ASB3: variants seen among roughly 807,000 people sequenced by gnomAD.
ASB3 encodes the protein ankyrin repeat and SOCS box protein 3.
Under a neutral mutation model 54.5 loss-of-function variants are expected in ASB3, and 41 were observed. The observed-to-expected ratio is 0.75, with a 90% confidence interval of 0.59 to 0.98. The LOEUF is 0.98. Ranked by LOEUF, ASB3 falls within the 50% of genes least tolerant of loss-of-function variation. The probability of loss-of-function intolerance (pLI) is 0.00; values close to 1 mark genes in which losing one functional copy is unlikely to be tolerated. For missense variants in ASB3, 733 were observed against 620.0 expected, an observed-to-expected ratio of 1.18 and a Z score of -1.94; for synonymous variants, 266 against 221.2, an observed-to-expected ratio of 1.20 and a Z score of -1.80.
chr2:53,747,338 G>A (rs912545101), intron 3 of ASB3, among the ~76,000 whole-genome samples: 7 of 152,148 alleles, frequency 4.6e-5, no homozygotes, highest in African/African-American at 9.7e-5. Flanking sequence ...CTGAGGTCAG[G>A]AGTTCCAGAT....
chr2:53,751,278 A>C (rs2104008264), intron 2 of ASB3, among the ~76,000 whole-genome samples: 1 of 152,320 alleles, frequency 6.6e-6, no homozygotes, highest in East Asian at 1.9e-4. Context: ...TTGCTTAAAC[A>C]GAATTTATCG....
At chr2:53,755,977 A>AC (rs112277299) in intron 2 of ASB3, among the ~76,000 whole-genome samples, 3,258 of 132,874 alleles carry the variant, frequency 0.025, 50 homozygotes, top group East Asian at 0.036. Context: ...AAATAGTAAG[A>AC]CCCCCCCCCC....
intron 5 of ASB3, among the ~76,000 whole-genome samples, chr2:53,723,543 A>C (rs1670827360): frequency 1.3e-5 from 2 of 152,162 alleles, no homozygotes; most frequent in African/African-American, 4.8e-5. Context: ...TATTCCTATC[A>C]AACTACCGAC....
intron 9 of ASB3, among the ~76,000 whole-genome samples, 199 bp from the exon 10 acceptor site, chr2:53,670,889 G>A (rs1241933069): frequency 1.3e-5 from 2 of 152,104 alleles, no homozygotes; most frequent in Non-Finnish European, 2.9e-5. Flanking sequence ...TCTCCCTTCA[G>A]TTTGTTGGCC....
At chr2:53,719,563 G>A (rs1466205497) in intron 5 of ASB3, among the ~76,000 whole-genome samples, 2 of 151,582 alleles carry the variant, frequency 1.3e-5, no homozygotes, top group Non-Finnish European at 2.9e-5. Context: ...CTTCCTTCTA[G>A]AAAGACGTCA....
intron 7 of ASB3, among the ~76,000 whole-genome samples, chr2:53,709,808 G>A (rs1044994075): frequency 2.6e-5 from 4 of 152,078 alleles, no homozygotes; most frequent in East Asian, 3.9e-4. Context: ...ATTGAATCAG[G>A]GCTTGTGTAT....
At chr2:53,774,087 T>G in intron 1 of ASB3, 3 of 1,485,996 alleles carry the variant, frequency 2.0e-6, no homozygotes, top group Non-Finnish European at 2.7e-6. Context: ...CAACCTTTCT[T>G]CACCTATTTT....
At chr2:53,774,666 A>G (rs1448537804) in intron 1 of ASB3, 1 of 617,776 alleles carries the variant, frequency 1.6e-6, no homozygotes, top group Non-Finnish European at 2.5e-6. Flanking sequence ...ACACATATTT[A>G]AAATATTGGG....
chr2:53,718,321 A>C (rs1670512080), intron 5 of ASB3, among the ~76,000 whole-genome samples: 1 of 152,212 alleles, frequency 6.6e-6, no homozygotes, highest in Non-Finnish European at 1.5e-5. Flanking sequence ...TGGACTTCTC[A>C]GCAGAAACCT....
At chr2:53,698,088 T>C (rs375022870) in intron 8 of ASB3, among the ~76,000 whole-genome samples, 1 of 152,188 alleles carries the variant, frequency 6.6e-6, no homozygotes, top group South Asian at 2.1e-4. Context: ...GGGACAGGTC[T>C]CTTGCCTGAG....
chr2:53,748,329 T>C (rs913183762), intron 3 of ASB3: 1 of 152,194 alleles, frequency 6.6e-6, no homozygotes, highest in East Asian at 1.9e-4. Flanking sequence ...GCGGCTAGAA[T>C]GGAGATTGCG....
intron 1 of ASB3, among the ~76,000 whole-genome samples, chr2:53,766,268 G>A (rs1408221602): frequency 6.6e-6 from 1 of 152,134 alleles, no homozygotes; most frequent in Non-Finnish European, 1.5e-5. Context: ...CAGAGTTCTT[G>A]CCCACATCAT....
chr2:53,756,008 A>G (rs1471199726), intron 2 of ASB3, among the ~76,000 whole-genome samples: 1 of 150,182 alleles, frequency 6.7e-6, no homozygotes, highest in African/African-American at 2.4e-5. Flanking sequence ...AATATAGAAA[A>G]TAAAAAAATT....
intron 2 of ASB3, among the ~76,000 whole-genome samples, chr2:53,756,547 T>C (rs6738369): frequency 0.56 from 84,847 of 152,028 alleles, 24,298 homozygotes; most frequent in African/African-American, 0.69. Context: ...ACATTACCAT[T>C]TGAATCAGCA....
chr2:53,705,117 G>C (rs764115777), intron 7 of ASB3, among the ~76,000 whole-genome samples: 1 of 152,044 alleles, frequency 6.6e-6, no homozygotes, highest in Non-Finnish European at 1.5e-5. Flanking sequence ...ATAAGGTGTT[G>C]CCCAATTCTA....
intron 5 of ASB3, among the ~76,000 whole-genome samples, chr2:53,720,529 A>G (rs1670646856): frequency 6.6e-6 from 1 of 152,236 alleles, no homozygotes; most frequent in Admixed American, 6.5e-5. Flanking sequence ...AAAGGGTTCA[A>G]TTCAATGAGA....
chr2:53,765,157 C>T (rs1673365305), intron 2 of ASB3, among the ~76,000 whole-genome samples: 1 of 152,130 alleles, frequency 6.6e-6, no homozygotes, highest in South Asian at 2.1e-4. Flanking sequence ...AAAAAGAGGC[C>T]AGACAGAGGC....
At chr2:53,703,875 T>G (rs1175386026) in intron 7 of ASB3, among the ~76,000 whole-genome samples, 2 of 152,202 alleles carry the variant, frequency 1.3e-5, no homozygotes, top group Non-Finnish European at 2.9e-5. Context: ...AACACATTGT[T>G]GCTATAAAAA....
At chr2:53,780,730 A>AT (rs1050157968) in intron 1 of ASB3, among the ~76,000 whole-genome samples, 2 of 152,208 alleles carry the variant, frequency 1.3e-5, no homozygotes, top group African/African-American at 4.8e-5. Context: ...GTGAGCTATC[A>AT]TAAGGCCCCT....
Sources: allele counts gnomAD v4.1 joint callset (sites outside exome capture counted in the v4.1 genomes callset), GRCh38; gene constraint gnomAD v4.1.1; transcripts MANE v1.5; gene names NCBI Gene and HGNC (gene_info 2026-07-23, HGNC 2026-07-21).